PYCR1: variants seen among roughly 807,000 people sequenced by gnomAD.
PYCR1 encodes the protein pyrroline-5-carboxylate reductase 1, also known as pyrroline-5-carboxylate reductase 1, mitochondrial.
In PYCR1, 19 loss-of-function variants were observed where a neutral mutation model predicts 22.9. The observed-to-expected ratio is 0.83, with a 90% CI of 0.58 to 1.22. PYCR1 has a LOEUF of 1.22. Ranked by LOEUF, PYCR1 falls within the 50% of genes most tolerant of loss-of-function variation. The pLI, the probability that PYCR1 is intolerant of heterozygous loss-of-function variation, is 0.00. For synonymous variants in PYCR1, 175 were observed against 180.5 expected (o/e 0.97, Z 0.24); for missense variants, 429 against 431.3 (o/e 0.99, Z 0.05).
Position 81,932,432 on chromosome 17 carries a change from C to T in PYCR1, c.*782G>A. ...TTTTAATCAGTAAGGCAGATGCCCT[C>T]CAAGATGTGGGCGGGCCTTGTCTAA... On this transcript the variant is annotated 3_prime_UTR_variant, in exon 7 of 7. Transcript: ENST00000329875. The T allele has an allele frequency of 4.3e-6, 1 of 234,628 alleles. No homozygotes were observed. Among genetic ancestry groups the T allele is most frequent in the East Asian group, 1.0e-4 (1 of 10,034 alleles). The allele number at this position is 234,628 out of a possible 1,614,324, so 14.5% of individuals were successfully genotyped here.
chr17:81,933,514 A>C (rs1162879616), intron 6 of PYCR1, 138 bp from the exon 7 acceptor site: 3 of 1,051,752 alleles, frequency 2.9e-6, no homozygotes, highest in African/African-American at 1.6e-5. Context: ...CCCCTCTGCC[A>C]GCGACACGCC....
rs2041092580 is a variant in PYCR1 at position 81,934,313 on chromosome 17, C to T, written c.797+13G>A. ...GACTGGAGACCAGGGAAGCGGGCAGCGCGGGGGCCCACCGTGTGCGGATGC... is the reference window on the plus strand; with the variant it reads ...GACTGGAGACCAGGGAAGCGGGCAGTGCGGGGGCCCACCGTGTGCGGATGC... On this transcript the variant is annotated intron_variant, in intron 6 of 6. Coordinates refer to ENST00000329875, the MANE Select transcript of PYCR1 (RefSeq NM_006907.4). 3 of 1,612,414 alleles carry T rather than the reference C, an allele frequency of 1.9e-6. No individual in the cohort carries two copies. The highest frequency in any genetic ancestry group is 3.3e-5 in the Admixed American group (2 of 59,952).
At chr17:81,933,420 C>G in intron 6 of PYCR1, 44 bp from the exon 7 acceptor site, 1 of 1,609,056 alleles carries the variant, frequency 6.2e-7, no homozygotes, top group East Asian at 2.2e-5. Context: ...CAAGCGTGCA[C>G]CCAGGAAGAG....
rs1567920500 is a variant in PYCR1 at position 81,933,042 on chromosome 17, C to T, written c.*172G>A. On this transcript the variant is annotated 3_prime_UTR_variant, in exon 7 of 7. Coordinates refer to ENST00000329875, the MANE Select transcript of PYCR1 (RefSeq NM_006907.4). Reference sequence around the variant, plus strand: ...CCTGTTCTGGGCTGGGAAGCACTTGCAGACCACAGAGATTTCCAGTGGGAA... The same window carrying T: ...CCTGTTCTGGGCTGGGAAGCACTTGTAGACCACAGAGATTTCCAGTGGGAA... The T allele has an allele frequency of 6.3e-7, 1 of 1,577,058 alleles. No homozygotes were observed. The highest frequency in any genetic ancestry group is 8.6e-7 in the Non-Finnish European group (1 of 1,166,002).
At chr17:81,936,085 G>T in intron 2 of PYCR1, 38 bp downstream of exon 2, 1 of 1,608,042 alleles carries the variant, frequency 6.2e-7, no homozygotes, top group South Asian at 1.1e-5. Flanking sequence ...CAGCCCCACA[G>T]GGACTCAGTC....
At chr17:81,934,855 G>A in intron 4 of PYCR1, 71 bp downstream of exon 4, 1 of 1,572,660 alleles carries the variant, frequency 6.4e-7, no homozygotes, top group Non-Finnish European at 8.7e-7. Flanking sequence ...CCTCCCAGGG[G>A]GAGCAGGGAC....
Position 81,933,080 on chromosome 17 carries a change from C to T in PYCR1, c.*134G>A, listed in dbSNP as rs991096100. On this transcript the variant is annotated 3_prime_UTR_variant, in exon 7 of 7. Coordinates refer to ENST00000329875, the MANE Select transcript of PYCR1 (RefSeq NM_006907.4). ...TTTCCAGTGGGAAGTGATGTGGCCC[C>T]TCCCTGGCTATGTCCCTGGCTGGCC... The T allele has an allele frequency of 1.3e-6, 2 of 1,587,006 alleles. No individual in the cohort carries two copies. The highest frequency in any genetic ancestry group is 1.3e-5 in the African/African-American group (1 of 74,558).
Position 81,933,357 on chromosome 17 carries a change from C to G in PYCR1, c.817G>C (p.Asp273His). The G allele has an allele frequency of 6.2e-7, 1 of 1,613,840 alleles. No individual in the cohort carries two copies. The highest frequency in any genetic ancestry group is 1.1e-5 in the South Asian group (1 of 91,078). The part of the protein sequence containing the change: ...IRTRELQSMA[D>H]QEQVSPAAIK... Reference sequence around the variant, plus strand: ...GCGGCTGGTGACACCTGCTCCTGGTCAGCCATGGACTGCAGCTCCCTAGAG... The same window carrying G: ...GCGGCTGGTGACACCTGCTCCTGGTGAGCCATGGACTGCAGCTCCCTAGAG... Residue 273 changes from aspartate to histidine, a missense_variant, in exon 7 of 7, where the codon GAC (aspartate) becomes CAC (histidine). Asp to His is a moderately conservative substitution (Grantham distance 81). Coordinates refer to ENST00000329875, the MANE Select transcript of PYCR1 (RefSeq NM_006907.4).
At position 81,935,404 on chromosome 17, in the gene PYCR1, G is replaced by A. The variant is rs780501281; in HGVS notation, c.251C>T (p.Ala84Val). The part of the protein sequence containing the change: ...IIPFILDEIG[A>V]DIEDRHIVVS... ...CACAATGTGTCTGTCCTCAATGTCGGCGCCTATTTCATCCAGGATGAAGGG... is the reference window on the plus strand; with the variant it reads ...CACAATGTGTCTGTCCTCAATGTCGACGCCTATTTCATCCAGGATGAAGGG... The change falls in exon 3 of 7, where the codon GCC becomes GTC. Residue 84 changes from alanine to valine, a missense_variant. Transcript: ENST00000329875. The A allele has an allele frequency of 7.4e-6, 12 of 1,613,534 alleles. No individual in the cohort carries two copies. Among genetic ancestry groups the A allele is most frequent in the Middle Eastern group, 1.7e-4 (1 of 6,054 alleles).
chr17:81,934,556 A>G, intron 5 of PYCR1, 67 bp from the exon 6 acceptor site: 1 of 1,557,586 alleles, frequency 6.4e-7, no homozygotes, highest in Non-Finnish European at 8.7e-7. Flanking sequence ...TGCCCCAGCC[A>G]CTGTAGCACA....
At chr17:81,935,604 A>C in intron 2 of PYCR1, 88 bp from the exon 3 acceptor site, 2 of 823,318 alleles carry the variant, frequency 2.4e-6, no homozygotes, top group Non-Finnish European at 3.7e-6. Flanking sequence ...AATGGCACAG[A>C]GAATGCTGGA....
At position 81,934,385 on chromosome 17, in the gene PYCR1, C is replaced by G; in HGVS notation, c.738G>C (p.Glu246Asp). The part of the protein sequence containing the change: ...GATIHALHVL[E>D]SGGFRSLLIN... ...TGAGCAGGGAGCGGAAGCCCCCACT[C>G]TCCAGCACATGCAAGGCATGGATGG... The change falls in exon 6 of 7, where the codon GAG becomes GAC. Residue 246 changes from glutamate (E) to aspartate (D), a missense_variant. Physicochemically the swap from Glu to Asp is conservative, Grantham distance 45. Transcript: ENST00000329875. 6.2e-7 allele frequency: 1 copy of G among 1,612,824 alleles called. No homozygotes were observed. Among genetic ancestry groups the G allele is most frequent in the Non-Finnish European group, 8.5e-7 (1 of 1,179,928 alleles).
At chr17:81,935,736 C>T (rs566943273) in intron 2 of PYCR1, among the ~76,000 whole-genome samples, 25 of 152,318 alleles carry the variant, frequency 1.6e-4, no homozygotes, top group Admixed American at 1.3e-3. Flanking sequence ...GAAAAGGACC[C>T]TCCATCCATG....
rs1010023668 is a variant in PYCR1 at position 81,937,119 on chromosome 17, G to A, written c.-305C>T. On this transcript the variant is annotated 5_prime_UTR_variant, in exon 1 of 7. Coordinates refer to ENST00000329875, the MANE Select transcript of PYCR1 (RefSeq NM_006907.4). ...GGAAGGGGGAAAAGTACGGGGAGAG[G>A]GAGGGCCCGGCGCCTAGGGGTCCCC... 7.0e-7 allele frequency: 1 copy of A among 1,431,004 alleles called. No individual in the cohort carries two copies. Among genetic ancestry groups the A allele is most frequent in the Non-Finnish European group, 9.1e-7 (1 of 1,096,082 alleles). 88.6% of individuals were successfully genotyped at this position (1,431,004 alleles called of 1,614,324 possible).
In PYCR1 at chr17:81,934,633, G is replaced by C. The variant is rs2041113251; in HGVS notation, c.633+20C>G. On this transcript the variant is annotated intron_variant, in intron 5 of 6. Coordinates refer to ENST00000329875, the MANE Select transcript of PYCR1 (RefSeq NM_006907.4). ...CCCCGCAAAGAGTGGCCCCACCAGA[G>C]GGTCAGGAAACACACTGACCAGGAG... 5.1e-6 allele frequency: 8 copies of C among 1,554,642 alleles called. No individual in the cohort carries two copies. The Admixed American group carries it at 1.5e-4, about 30-fold the overall frequency.
In PYCR1 at chr17:81,935,059, G is replaced by T; in HGVS notation, c.407C>A (p.Ala136Asp). The T allele has an allele frequency of 6.2e-7, 1 of 1,610,620 alleles. No individual in the cohort carries two copies. Reference sequence around the variant, plus strand: ...CTCCACCTGGGCGTGCGTGCCTGTGGCATACACGGTGGCCCCCTCCCGCAC... The same window carrying T: ...CTCCACCTGGGCGTGCGTGCCTGTGTCATACACGGTGGCCCCCTCCCGCAC... ...VVVREGATVY[A>D]TGTHAQVEDG... The change falls in exon 4 of 7, where the codon GCC becomes GAC. Residue 136 changes from alanine (A) to aspartate (D), a missense_variant. Coordinates refer to ENST00000329875, the MANE Select transcript of PYCR1 (RefSeq NM_006907.4).
chr17:81,934,497 CAGA>C lies in PYCR1; in HGVS notation c.634-11_634-9del, dbSNP rs1241984116. The stretch of plus-strand genomic sequence containing the variant: ...CAGCATCTTGGCAGCCCCCTGCAGC[CAGA>C]AGAAAGGCTGACGGCTGTGGGCACG... On this transcript the variant is annotated splice_polypyrimidine_tract_variant and intron_variant, in intron 5 of 6. Coordinates refer to ENST00000329875, the MANE Select transcript of PYCR1 (RefSeq NM_006907.4). 6.3e-7 allele frequency: 1 copy of C among 1,595,064 alleles called. No homozygotes were observed. The highest frequency in any genetic ancestry group is 2.3e-5 in the East Asian group (1 of 44,172).
In PYCR1 at chr17:81,934,462, C is replaced by G; in HGVS notation, c.661G>C (p.Glu221Gln). The G allele has an allele frequency of 6.2e-7, 1 of 1,608,624 alleles. No individual in the cohort carries two copies. The highest frequency in any genetic ancestry group is 8.5e-7 in the Non-Finnish European group (1 of 1,178,514). The change falls in exon 6 of 7, where the codon GAA becomes CAA. Residue 221 changes from glutamate to glutamine, a missense_variant. Physicochemically the swap from Glu to Gln is conservative, Grantham distance 29. Coordinates refer to ENST00000329875, the MANE Select transcript of PYCR1 (RefSeq NM_006907.4). Reference protein sequence around the residue: ...LGAAKMLLHSEQHPGQLKDNV... With the variant: ...LGAAKMLLHSQQHPGQLKDNV... The stretch of plus-strand genomic sequence containing the variant: ...TCCTTGAGCTGGCCTGGGTGCTGTT[C>G]TGAGTGCAGCAGCATCTTGGCAGCC...
chr17:81,935,611 T>TATGGGG, intron 2 of PYCR1, 95 bp from the exon 3 acceptor site: 2 of 715,940 alleles, frequency 2.8e-6, no homozygotes, highest in East Asian at 4.8e-5. Flanking sequence ...CAGAGAATGC[T>TATGGGG]GGAGTTGGGG....
Sources: allele counts gnomAD v4.1 joint callset (sites outside exome capture counted in the v4.1 genomes callset), GRCh38; gene constraint gnomAD v4.1.1; transcripts MANE v1.5; gene names NCBI Gene and HGNC (gene_info 2026-07-23, HGNC 2026-07-21).